The following IL13RA1 variants were observed in gnomAD, a reference collection of about 807,000 sequenced individuals.
The protein encoded by IL13RA1 is interleukin-13 receptor subunit alpha-1.
Under a neutral mutation model 33.8 loss-of-function variants are expected in IL13RA1, and 14 were observed. That is an observed-to-expected ratio of 0.41 (90% CI 0.27 to 0.65). The LOEUF is 0.65. Ranked by LOEUF, IL13RA1 falls within the 30% of genes least tolerant of loss-of-function variation. The pLI is 0.28. For synonymous variants in IL13RA1, 116 were observed against 115.7 expected, an observed-to-expected ratio of 1.00 and a Z score of -0.02; for missense variants, 313 against 327.0, an observed-to-expected ratio of 0.96 and a Z score of 0.33.
At chrX:118,748,302 G>C (rs2489872) in intron 3 of IL13RA1, among the ~76,000 whole-genome samples, 15,769 of 94,983 alleles carry the variant, frequency 0.17, 1,415 homozygotes, top group East Asian at 0.41. Context: ...TAAAATTCAG[G>C]ACTGCCAGGA....
intron 10 of IL13RA1, 27 bp downstream of exon 10, chrX:118,776,538 A>AAT: frequency 2.9e-6 from 1 of 347,567 alleles, no homozygotes; most frequent in South Asian, 5.0e-5. Flanking sequence ...TGGGGCTTGA[A>AAT]ATGTTTTTTT....
chrX:118,758,233 A>G lies in IL13RA1; in HGVS notation c.667A>G (p.Thr223Ala), dbSNP rs764485867. The G allele has an allele frequency of 1.9e-6, 2 of 1,033,662 alleles. No individual in the cohort carries two copies. The highest frequency in any genetic ancestry group is 4.4e-5 in the South Asian group (2 of 45,105). 85.2% of individuals were successfully genotyped at this position (1,033,662 alleles called of 1,213,427 possible). The change falls in exon 5 of 11, where the codon ACT becomes GCT. Residue 223 changes from threonine to alanine, a missense_variant. Transcript: ENST00000371666. ...IKPSFNIVPL[T>A]SRVKPDPPHI... is the part of the protein sequence containing the mutation. The stretch of plus-strand genomic sequence containing the variant: ...ACCATCCTTCAATATAGTGCCTTTA[A>G]CTTCCCGTGGTAAGTTTTAGAAGTC...
rs1430772487 is a variant in IL13RA1, at chrX:118,792,758, A to G, written c.*904A>G. The G allele has an allele frequency of 2.4e-5, 2 of 83,135 alleles. No homozygotes were observed. Among genetic ancestry groups the G allele is most frequent in the African/African-American group, 3.7e-5 (1 of 27,115 alleles). The allele number at this position is 83,135 out of a possible 1,213,427, so 6.9% of individuals were successfully genotyped here. A position where few individuals can be genotyped will look rare whatever the true frequency, so the allele number is the denominator to read the frequency against. ...AAAGCCCCAGAAATCAGTGTTGGCCATGATGACAACTACAGAAAAACCAGA... is the reference window on the plus strand; with the variant it reads ...AAAGCCCCAGAAATCAGTGTTGGCCGTGATGACAACTACAGAAAAACCAGA... On this transcript the variant is annotated 3_prime_UTR_variant, in exon 11 of 11. Coordinates refer to ENST00000371666, the MANE Select transcript of IL13RA1 (RefSeq NM_001560.3).
At chrX:118,751,385 C>G (rs925067531) in intron 4 of IL13RA1, among the ~76,000 whole-genome samples, 26 of 111,899 alleles carry the variant, frequency 2.3e-4, no homozygotes, top group Admixed American at 1.4e-3. Context: ...TCCTAAAGCT[C>G]AAAATATAGA....
intron 2 of IL13RA1, among the ~76,000 whole-genome samples, chrX:118,745,444 A>G (rs2017393154): frequency 8.9e-6 from 1 of 111,791 alleles, no homozygotes; most frequent in African/African-American, 3.3e-5. Context: ...AGGGCTGACC[A>G]ACTCCCTTTT....
intron 8 of IL13RA1, chrX:118,770,696 T>C: frequency 2.7e-6 from 1 of 376,813 alleles, no homozygotes; most frequent in Non-Finnish European, 5.1e-6. Flanking sequence ...GGCCACAGGC[T>C]CCGCATCTTC....
Position 118,727,722 on chromosome X carries a change from T to A in IL13RA1, c.84T>A (p.Pro28=). The change falls in exon 1 of 11, where the codon CCT becomes CCA. Residue 28 remains proline (P), a synonymous_variant. Coordinates refer to ENST00000371666, the MANE Select transcript of IL13RA1 (RefSeq NM_001560.3). ...GGGGGGGGAA[P]TETQPPVTNL... Reference sequence around the variant, plus strand: ...GGGGCGGGGGCGGGGGCGCCGCGCCTACGGGTGAGTGCGACCCTCGGGGCC... The same window carrying A: ...GGGGCGGGGGCGGGGGCGCCGCGCCAACGGGTGAGTGCGACCCTCGGGGCC... 1 of 844,969 alleles carries A rather than the reference T, an allele frequency of 1.2e-6. No homozygotes were observed. Among genetic ancestry groups the A allele is most frequent in the East Asian group, 4.9e-5 (1 of 20,553 alleles). 69.6% of individuals were successfully genotyped at this position (844,969 alleles called of 1,213,427 possible).
intron 8 of IL13RA1, chrX:118,770,372 G>T: frequency 2.7e-6 from 1 of 373,000 alleles, no homozygotes; most frequent in Non-Finnish European, 5.1e-6. Context: ...TGCATCACCC[G>T]GTAGACCAAC....
intron 9 of IL13RA1, among the ~76,000 whole-genome samples, chrX:118,775,032 C>T (rs963214174): frequency 9.0e-6 from 1 of 111,014 alleles, no homozygotes; most frequent in African/African-American, 3.3e-5. Context: ...CACACACACA[C>T]AAAATAAATA....
At chrX:118,798,686 C>T (rs1420023192), downstream of IL13RA1, among the ~76,000 whole-genome samples, 1 of 112,614 alleles carries the variant, frequency 8.9e-6, no homozygotes, top group Non-Finnish European at 1.9e-5. Flanking sequence ...ACACCGTTTA[C>T]TAAGTTCCTT....
rs753350369 is a variant in IL13RA1, at chrX:118,753,419, C to T, written c.488+3641C>T. Among the ~76,000 whole-genome samples the T allele has an allele frequency of 1.1e-4, 12 of 112,900 alleles. No homozygotes were observed. In the South Asian group the frequency reaches 4.3e-3, roughly 41 times the overall value. On this transcript the variant is annotated intron_variant, in intron 4 of 10. Coordinates refer to ENST00000371666, the MANE Select transcript of IL13RA1 (RefSeq NM_001560.3). ...GGTACTTGGGCTGGCTTTCAGCCCT[C>T]AGTTGATGTCTTTTTGCAGGGAACA... is the stretch of plus-strand genomic sequence containing the variant.
At chrX:118,754,258 C>A (rs2017501197) in intron 4 of IL13RA1, among the ~76,000 whole-genome samples, 1 of 111,546 alleles carries the variant, frequency 9.0e-6, no homozygotes, top group East Asian at 2.8e-4. Flanking sequence ...ATAGTGCCTA[C>A]TTCTTAAGGT....
chrX:118,747,550 C>G, intron 3 of IL13RA1, among the ~76,000 whole-genome samples: 1 of 111,308 alleles, frequency 9.0e-6, no homozygotes, highest in Admixed American at 9.6e-5. Context: ...AAAATACTCT[C>G]TTACCCATTA....
chrX:118,803,942 T>C, the IL13RA1 span, among the ~76,000 whole-genome samples: 2 of 100,301 alleles, frequency 2.0e-5, no homozygotes, highest in Non-Finnish European at 4.0e-5. Flanking sequence ...TTTTTTTCTT[T>C]TTTCTTTCTT....
intron 10 of IL13RA1, among the ~76,000 whole-genome samples, chrX:118,777,618 A>G (rs181256071): frequency 1.8e-5 from 2 of 111,583 alleles, no homozygotes; most frequent in East Asian, 5.6e-4. Context: ...ATTGAAATGC[A>G]TTGTGTTCAT....
intron 6 of IL13RA1, among the ~76,000 whole-genome samples, chrX:118,764,519 A>T (rs181249825): frequency 1.1e-4 from 12 of 109,282 alleles, no homozygotes; most frequent in Admixed American, 7.9e-4. Context: ...TATTGAAAGG[A>T]TGTCCCTTCA....
chrX:118,733,215 A>G (rs986678138), intron 1 of IL13RA1, among the ~76,000 whole-genome samples: 1 of 111,906 alleles, frequency 8.9e-6, no homozygotes, highest in Non-Finnish European at 1.9e-5. Flanking sequence ...TTTTTGAGGA[A>G]CCACCATACT....
intron 8 of IL13RA1, chrX:118,770,952 A>G (rs1472339532): frequency 9.0e-6 from 2 of 221,903 alleles, no homozygotes; most frequent in South Asian, 1.1e-4. Context: ...TCCTATTCCA[A>G]CCTCTCCTCA....
intron 10 of IL13RA1, among the ~76,000 whole-genome samples, chrX:118,780,593 A>G (rs778808752): frequency 8.9e-6 from 1 of 112,414 alleles, no homozygotes; most frequent in Non-Finnish European, 1.9e-5. Context: ...GTGGAAAGTG[A>G]AGGGGGAGCA....
Sources: gnomAD v4.1 joint callset for allele counts (sites outside exome capture counted in the v4.1 genomes callset) on GRCh38, gnomAD v4.1.1 for gene constraint, MANE v1.5 for transcripts, NCBI Gene and HGNC (gene_info 2026-07-23, HGNC 2026-07-21) for gene names.